Variants in MECOM observed in about 807,000 individuals in gnomAD.
MECOM encodes histone-lysine N-methyltransferase MECOM.
In MECOM, 13 loss-of-function variants were observed where a neutral mutation model predicts 116.3. That is an observed-to-expected ratio of 0.11 (90% CI 0.07 to 0.18). The LOEUF (loss-of-function observed/expected upper bound fraction) is 0.18, where lower values mean the gene tolerates loss of function less well. Ranked by LOEUF, MECOM falls within the 10% of genes least tolerant of loss-of-function variation. The pLI is 1.00. For missense variants in MECOM, 1,299 were observed against 1,509.0 expected, an observed-to-expected ratio of 0.86 and a Z score of 2.31; for synonymous variants, 528 against 535.2, an observed-to-expected ratio of 0.99 and a Z score of 0.19.
intron 1 of MECOM, among the ~76,000 whole-genome samples, chr3:169,528,061 C>T (rs1758166226): frequency 6.6e-6 from 1 of 152,182 alleles, no homozygotes; most frequent in African/African-American, 2.4e-5. Context: ...ATACCTACTG[C>T]CTCATGGGAA....
At chr3:169,327,516 T>C (rs1266718059) in intron 2 of MECOM, among the ~76,000 whole-genome samples, 1 of 151,582 alleles carries the variant, frequency 6.6e-6, no homozygotes, top group African/African-American at 2.4e-5. Context: ...CACATGCCTG[T>C]AGTCTCAGTC....
intron 2 of MECOM, chr3:169,146,152 A>G: frequency 1.1e-6 from 1 of 942,082 alleles, no homozygotes; most frequent in Non-Finnish European, 1.3e-6. Context: ...TTAAAAAAAA[A>G]CCGTTTAGGT....
intron 1 of MECOM, among the ~76,000 whole-genome samples, chr3:169,581,351 G>T (rs1765099909): frequency 6.6e-6 from 1 of 151,770 alleles, no homozygotes; most frequent in Non-Finnish European, 1.5e-5. Flanking sequence ...CTCCCAGGTG[G>T]CAAAAAAAAG....
At chr3:169,496,801 G>C (rs569715065) in intron 1 of MECOM, among the ~76,000 whole-genome samples, 60 of 152,254 alleles carry the variant, frequency 3.9e-4, no homozygotes, top group African/African-American at 1.4e-3. Context: ...AAATCAAAAA[G>C]AAAATAATGG....
chr3:169,120,959 G>T, intron 7 of MECOM, 97 bp downstream of exon 7: 1 of 1,277,870 alleles, frequency 7.8e-7, no homozygotes. Context: ...CTAACACGGT[G>T]ACCCTCTAAA....
At chr3:169,128,684 T>C (rs1419767919) in intron 4 of MECOM, among the ~76,000 whole-genome samples, 5 of 152,206 alleles carry the variant, frequency 3.3e-5, no homozygotes, top group Non-Finnish European at 5.9e-5. Flanking sequence ...GGACACAGGA[T>C]GTTTTTAGTA....
At chr3:169,138,730 C>T (rs1737156696) in intron 3 of MECOM, among the ~76,000 whole-genome samples, 1 of 151,746 alleles carries the variant, frequency 6.6e-6, no homozygotes, top group Non-Finnish European at 1.5e-5. Flanking sequence ...TGACAGTAGA[C>T]ACAAACATTT....
intron 2 of MECOM, among the ~76,000 whole-genome samples, chr3:169,271,762 A>G (rs1020355995): frequency 5.9e-5 from 9 of 152,228 alleles, no homozygotes; most frequent in African/African-American, 2.2e-4. Context: ...TTTTAAAAAA[A>G]GAATTTTCCA....
chr3:169,324,700 C>T (rs1166856803), intron 2 of MECOM, among the ~76,000 whole-genome samples: 1 of 152,186 alleles, frequency 6.6e-6, no homozygotes, highest in Non-Finnish European at 1.5e-5. Flanking sequence ...TGTCTCATTA[C>T]TGAGCATAAC....
At chr3:169,424,150 A>C (rs971130914) in intron 1 of MECOM, among the ~76,000 whole-genome samples, 1 of 151,958 alleles carries the variant, frequency 6.6e-6, no homozygotes, top group East Asian at 1.9e-4. Context: ...ATAAAGAAAA[A>C]CTCAGTGTTC....
At chr3:169,328,800 G>A (rs981556216) in intron 2 of MECOM, among the ~76,000 whole-genome samples, 3 of 152,082 alleles carry the variant, frequency 2.0e-5, no homozygotes, top group African/African-American at 7.2e-5. Context: ...CCTCCTGTTC[G>A]CTTATAAGAT....
chr3:169,312,952 T>C (rs1004115556), intron 2 of MECOM, among the ~76,000 whole-genome samples: 1 of 152,100 alleles, frequency 6.6e-6, no homozygotes, highest in African/African-American at 2.4e-5. Context: ...CCCTGGAGAA[T>C]GAGCATGAAG....
chr3:169,587,426 AAC>A (rs3980637), intron 1 of MECOM, among the ~76,000 whole-genome samples: 10,357 of 140,910 alleles, frequency 0.074, 383 homozygotes, highest in Non-Finnish European at 0.091. Context: ...CCCACACGCC[AAC>A]ACACACACAC....
At chr3:169,532,134 T>C (rs1758719859) in intron 1 of MECOM, among the ~76,000 whole-genome samples, 1 of 152,230 alleles carries the variant, frequency 6.6e-6, no homozygotes, top group South Asian at 2.1e-4. Flanking sequence ...CCTAGACCAG[T>C]GTTACCAAAC....
At chr3:169,616,176 T>C (rs1769972787) in intron 1 of MECOM, among the ~76,000 whole-genome samples, 1 of 152,178 alleles carries the variant, frequency 6.6e-6, no homozygotes, top group South Asian at 2.1e-4. Context: ...GGACAATTGC[T>C]GGGAAACCTC....
chr3:169,206,752 T>TAAA (rs71634427), intron 2 of MECOM, among the ~76,000 whole-genome samples: 2,157 of 127,968 alleles, frequency 0.017, 56 homozygotes, highest in African/African-American at 0.05. Context: ...GACTTCCTCT[T>TAAA]AAAAAAAAAA....
At chr3:169,181,383 CA>C (rs1352982579) in intron 2 of MECOM, among the ~76,000 whole-genome samples, 1 of 152,124 alleles carries the variant, frequency 6.6e-6, no homozygotes, top group Non-Finnish European at 1.5e-5. Context: ...TGACCAATGC[CA>C]GCTGTACTGG....
At chr3:169,138,236 A>G (rs1311271365) in intron 3 of MECOM, among the ~76,000 whole-genome samples, 1 of 152,108 alleles carries the variant, frequency 6.6e-6, no homozygotes, top group Non-Finnish European at 1.5e-5. Context: ...GGCGATATAT[A>G]CATGCAAACA....
chr3:169,282,186 T>C (rs1479520404), intron 2 of MECOM, among the ~76,000 whole-genome samples: 1 of 152,088 alleles, frequency 6.6e-6, no homozygotes, highest in Non-Finnish European at 1.5e-5. Flanking sequence ...TAAAATAGAG[T>C]ATAAGCCTAT....
Sources: allele counts gnomAD v4.1 joint callset (sites outside exome capture counted in the v4.1 genomes callset), GRCh38; gene constraint gnomAD v4.1.1; transcripts MANE v1.5; gene names NCBI Gene and HGNC (gene_info 2026-07-23, HGNC 2026-07-21).